The following FBXL20 variants were observed in gnomAD, a reference collection of about 807,000 sequenced individuals.
FBXL20 encodes the protein F-box/LRR-repeat protein 20.
A neutral mutation model predicts 64.0 loss-of-function variants in FBXL20; 11 were observed. The observed-to-expected ratio is 0.17, with a 90% CI of 0.11 to 0.28. The LOEUF (loss-of-function observed/expected upper bound fraction) is 0.28, where lower values mean the gene tolerates loss of function less well. Among genes scored for constraint, FBXL20 ranks in the 10% least tolerant of loss-of-function variants. The pLI is 1.00. For synonymous variants in FBXL20, 184 were observed against 189.0 expected, an observed-to-expected ratio of 0.97 and a Z score of 0.22; for missense variants, 303 against 526.2, an observed-to-expected ratio of 0.58 and a Z score of 4.15.
At chr17:39,308,123 TTGCGGCCAAAAGTTTGATC>T in intron 2 of FBXL20, among the ~76,000 whole-genome samples, 2 of 151,602 alleles carry the variant, frequency 1.3e-5, no homozygotes, top group African/African-American at 2.4e-5. Flanking sequence ...GGAGGATCAC[TTGCGGCCAAAAGTTTGATC>T]TTTTTTTTTT....
intron 13 of FBXL20, among the ~76,000 whole-genome samples, chr17:39,265,063 G>C (rs2046779210): frequency 6.6e-6 from 1 of 152,194 alleles, no homozygotes; most frequent in African/African-American, 2.4e-5. Context: ...ATCTTAAGGT[G>C]AAGCAAATTG....
Position 39,285,298 on chromosome 17 carries a change from T to C in FBXL20, c.494+180A>G, listed in dbSNP as rs1438790996. Among the ~76,000 whole-genome samples the C allele has an allele frequency of 3.3e-5, 5 of 151,684 alleles. No individual in the cohort carries two copies. The East Asian group carries it at 9.6e-4, about 29-fold the overall frequency. On this transcript the variant is annotated intron_variant, in intron 7 of 14. Coordinates refer to ENST00000264658, the MANE Select transcript of FBXL20 (RefSeq NM_032875.3). ...CAGAAATCCTAGTTACCTCTAGTCA[T>C]TTCACTTTAGTATGTCCCATAATTG...
chr17:39,296,058 CA>C lies in FBXL20; in HGVS notation c.398+1068del, dbSNP rs575129569. Among the ~76,000 whole-genome samples the C allele has an allele frequency of 7.2e-5, 11 of 151,964 alleles. No individual in the cohort carries two copies. The South Asian group carries it at 2.3e-3, about 32-fold the overall frequency. On this transcript the variant is annotated intron_variant, in intron 6 of 14. Transcript: ENST00000264658. Reference sequence around the variant, plus strand: ...ATCTTGAGGATAAGATAGATTCTGACAAAAAAGTGTTAATTACATGTCACTT... The same window carrying C: ...ATCTTGAGGATAAGATAGATTCTGACAAAAAGTGTTAATTACATGTCACTT...
At chr17:39,313,276 C>T (rs1338563908) in intron 2 of FBXL20, among the ~76,000 whole-genome samples, 1 of 151,032 alleles carries the variant, frequency 6.6e-6, no homozygotes, top group African/African-American at 2.4e-5. Context: ...CTCTATTGCC[C>T]AGGCTGGGGT....
intron 1 of FBXL20, among the ~76,000 whole-genome samples, chr17:39,381,661 T>C (rs1355777291): frequency 6.6e-6 from 1 of 151,704 alleles, no homozygotes; most frequent in African/African-American, 2.4e-5. Flanking sequence ...TATGGTGGTG[T>C]ACACTTGTAG....
chr17:39,388,871 G>A (rs1288248535), intron 1 of FBXL20, among the ~76,000 whole-genome samples: 3 of 150,158 alleles, frequency 2.0e-5, no homozygotes, highest in African/African-American at 4.9e-5. Context: ...GGAGGCTGAG[G>A]TGGGTGGAGT....
intron 1 of FBXL20, among the ~76,000 whole-genome samples, chr17:39,389,524 A>C (rs531920733): frequency 3.1e-4 from 47 of 152,274 alleles, no homozygotes; most frequent in African/African-American, 1.1e-3. Context: ...GCTCGTTTTA[A>C]AAAATAAATG....
intron 7 of FBXL20, 119 bp from the exon 8 acceptor site, chr17:39,282,974 A>G (rs1252369489): frequency 6.9e-6 from 8 of 1,162,592 alleles, no homozygotes; most frequent in Non-Finnish European, 1.0e-5. Flanking sequence ...TTCCCACAAG[A>G]AAAAACATAT....
chr17:39,344,984 A>C (rs1471482680), intron 1 of FBXL20, among the ~76,000 whole-genome samples: 1 of 152,212 alleles, frequency 6.6e-6, no homozygotes, highest in Non-Finnish European at 1.5e-5. Context: ...TTTGCCACAA[A>C]GGAGATCATG....
intron 1 of FBXL20, among the ~76,000 whole-genome samples, chr17:39,377,506 G>GTTT (rs541524196): frequency 6.9e-6 from 1 of 144,406 alleles, no homozygotes; most frequent in Non-Finnish European, 1.5e-5. Flanking sequence ...TTTTGTTGTT[G>GTTT]TTTTTTTTTT....
intron 1 of FBXL20, among the ~76,000 whole-genome samples, chr17:39,367,319 C>CTT (rs572558102): frequency 1.2e-4 from 17 of 138,838 alleles, no homozygotes; most frequent in African/African-American, 3.4e-4. Flanking sequence ...TTTTTCTTTT[C>CTT]TTTTTTTTTT....
intron 1 of FBXL20, among the ~76,000 whole-genome samples, chr17:39,365,882 T>C (rs537093602): frequency 6.6e-6 from 1 of 152,192 alleles, no homozygotes; most frequent in East Asian, 1.9e-4. Flanking sequence ...GTGACAATAT[T>C]ATTTCATGTC....
chr17:39,264,120 G>A (rs78519701), intron 14 of FBXL20, 55 bp downstream of exon 14: 1 of 1,524,298 alleles, frequency 6.6e-7, no homozygotes, highest in East Asian at 2.3e-5. Context: ...GAAAAAAAAA[G>A]AGAGAAGAAA....
intron 2 of FBXL20, among the ~76,000 whole-genome samples, chr17:39,313,434 T>C (rs1334917928): frequency 1.3e-5 from 2 of 151,294 alleles, no homozygotes. Context: ...CGTTTCGCCA[T>C]GTTGGCCAGG....
intron 2 of FBXL20, among the ~76,000 whole-genome samples, chr17:39,319,700 T>C (rs911601287): frequency 2.0e-5 from 2 of 101,540 alleles, no homozygotes; most frequent in South Asian, 3.0e-4. Flanking sequence ...AAAAAAACTA[T>C]AGCAGAGGGC....
intron 2 of FBXL20, among the ~76,000 whole-genome samples, chr17:39,309,791 CA>C (rs111999882): frequency 1.7e-3 from 98 of 56,168 alleles, no homozygotes; most frequent in East Asian, 3.6e-3. Flanking sequence ...GACTCCATCT[CA>C]AAAAAAAAAA....
chr17:39,344,949 G>A (rs900517415), intron 1 of FBXL20, among the ~76,000 whole-genome samples: 6 of 152,014 alleles, frequency 3.9e-5, no homozygotes, highest in Non-Finnish European at 8.8e-5. Flanking sequence ...ACTCACAACG[G>A]ATACTTTTAA....
chr17:39,278,653 T>C (rs2046921631), intron 9 of FBXL20, among the ~76,000 whole-genome samples: 1 of 149,684 alleles, frequency 6.7e-6, no homozygotes, highest in Non-Finnish European at 1.5e-5. Context: ...GTTCAAGCGA[T>C]TCTCCTGCCT....
At chr17:39,352,313 G>C (rs901810288) in intron 1 of FBXL20, among the ~76,000 whole-genome samples, 2 of 151,996 alleles carry the variant, frequency 1.3e-5, no homozygotes, top group Non-Finnish European at 2.9e-5. Flanking sequence ...AGTATCGCTT[G>C]ATCCCAGGAG....
Sources: gnomAD v4.1 joint callset for allele counts (sites outside exome capture counted in the v4.1 genomes callset) on GRCh38, gnomAD v4.1.1 for gene constraint, MANE v1.5 for transcripts, NCBI Gene and HGNC (gene_info 2026-07-23, HGNC 2026-07-21) for gene names.